The following CDO1 variants were observed in gnomAD, a reference collection of about 807,000 sequenced individuals.
CDO1 encodes the protein cysteine dioxygenase, type I.
In CDO1, 19 loss-of-function variants were observed where a neutral mutation model predicts 24.5. That is an observed-to-expected ratio of 0.77 (90% CI 0.54 to 1.14). CDO1 has a LOEUF of 1.14. Among genes scored for constraint, CDO1 ranks in the 50% most tolerant of loss-of-function variants. CDO1 has a pLI of 0.00. For missense variants in CDO1, 244 were observed against 244.8 expected (o/e 1.00, Z 0.02); for synonymous variants, 91 against 87.0 (o/e 1.05, Z -0.26).
Position 115,805,272 on chromosome 5 carries a change from A to ACTAC in CDO1, c.*160_*161insGTAG, listed in dbSNP as rs1759889388. 1.8e-6 allele frequency: 1 copy of ACTAC among 569,040 alleles called. No homozygotes were observed. Among genetic ancestry groups the ACTAC allele is most frequent in the South Asian group, 2.8e-5 (1 of 35,920 alleles). The allele number at this position is 569,040 out of a possible 1,614,324, so 35.2% of individuals were successfully genotyped here. A position where few individuals can be genotyped will look rare whatever the true frequency, so the allele number is the denominator to read the frequency against. ...TTCTTCTGCAGTAGCTGAGGGCACT[A>ACTAC]TTTGCTTACTTAATGCCTTATAATT... On this transcript the variant is annotated 3_prime_UTR_variant, in exon 5 of 5. Transcript: ENST00000250535.
chr5:115,815,259 G>T (rs969133756), intron 1 of CDO1, among the ~76,000 whole-genome samples: 1 of 152,114 alleles, frequency 6.6e-6, no homozygotes, highest in African/African-American at 2.4e-5. Context: ...TAACTGCTCA[G>T]AAAAAGTAGA....
intron 3 of CDO1, 79 bp downstream of exon 3, chr5:115,811,080 TAA>T: frequency 7.8e-7 from 1 of 1,288,726 alleles, no homozygotes; most frequent in Non-Finnish European, 1.1e-6. Flanking sequence ...TTCTACTGCA[TAA>T]AAAGTGTAAG....
chr5:115,811,489 G>C (rs376264684), intron 2 of CDO1, among the ~76,000 whole-genome samples, 174 bp from the exon 3 acceptor site: 2 of 152,230 alleles, frequency 1.3e-5, no homozygotes, highest in East Asian at 1.9e-4. Context: ...ACAATGTTCA[G>C]GGTAAAGTAA....
intron 2 of CDO1, among the ~76,000 whole-genome samples, chr5:115,812,784 A>G (rs1349383594): frequency 6.6e-6 from 1 of 152,166 alleles, no homozygotes; most frequent in Admixed American, 6.5e-5. Context: ...GTGGTGGCTC[A>G]TACCTGTAAT....
intron 2 of CDO1, among the ~76,000 whole-genome samples, chr5:115,812,214 T>G (rs1386437571): frequency 2.0e-5 from 3 of 152,198 alleles, no homozygotes; most frequent in Admixed American, 6.5e-5. Flanking sequence ...AGTAAATAAA[T>G]GCACTCTACA....
At position 115,816,220 on chromosome 5, in the gene CDO1, G is replaced by C; in HGVS notation, c.170+8C>G. ...CGCCGCCTGGCATTGAAGCTGCAGC[G>C]CGCTCACCTGTACTGGTCGAACTTG... On this transcript the variant is annotated splice_region_variant and intron_variant, in intron 1 of 4. Transcript: ENST00000250535. 1 of 1,611,436 alleles carries C rather than the reference G, an allele frequency of 6.2e-7. No individual in the cohort carries two copies. Among genetic ancestry groups the C allele is most frequent in the Non-Finnish European group, 8.5e-7 (1 of 1,178,452 alleles).
At chr5:115,815,291 T>G (rs1393289079) in intron 1 of CDO1, among the ~76,000 whole-genome samples, 1 of 152,116 alleles carries the variant, frequency 6.6e-6, no homozygotes, top group Non-Finnish European at 1.5e-5. Context: ...TTCGGGGTGA[T>G]TAAATTTTAC....
At chr5:115,807,932 A>G (rs892541735) in intron 3 of CDO1, among the ~76,000 whole-genome samples, 5 of 152,154 alleles carry the variant, frequency 3.3e-5, no homozygotes, top group African/African-American at 1.2e-4. Flanking sequence ...AGTTTCTAGA[A>G]AGAAAATAGA....
rs1759946052 is a variant in CDO1, at chr5:115,806,409, T to C, written c.513A>G (p.Thr171=). 1 of 1,611,772 alleles carries C rather than the reference T, an allele frequency of 6.2e-7. No individual in the cohort carries two copies. The highest frequency in any genetic ancestry group is 8.5e-7 in the Non-Finnish European group (1 of 1,179,270). ...FDTCHAFDQR[T]GHKNKVTMTF... ...TCATTGTGACTTTGTTTTTATGTCC[T>C]GTTCTTTGATCAAAGGCATGGCATG... Residue 171 remains threonine, a synonymous_variant, in exon 4 of 5, where the codon ACA becomes ACG. Coordinates refer to ENST00000250535, the MANE Select transcript of CDO1 (RefSeq NM_001801.3).
intron 3 of CDO1, among the ~76,000 whole-genome samples, chr5:115,809,393 C>T (rs901374248): frequency 4.6e-5 from 7 of 152,046 alleles, no homozygotes; most frequent in Non-Finnish European, 8.8e-5. Flanking sequence ...GGTCTCCTTG[C>T]CCCAGTCCTC....
chr5:115,813,449 CGCT>C (rs1760286553), intron 1 of CDO1, among the ~76,000 whole-genome samples, 191 bp from the exon 2 acceptor site: 1 of 151,984 alleles, frequency 6.6e-6, no homozygotes, highest in Non-Finnish European at 1.5e-5. Context: ...CATTTTGAAC[CGCT>C]GCATTTACAG....
intron 4 of CDO1, 93 bp downstream of exon 4, chr5:115,806,256 T>C: frequency 1.4e-6 from 1 of 728,108 alleles, no homozygotes; most frequent in Non-Finnish European, 2.2e-6. Context: ...TTGGGCCTTA[T>C]CCATGAATTA....
intron 3 of CDO1, 93 bp from the exon 4 acceptor site, chr5:115,806,611 T>C: frequency 1.1e-6 from 1 of 891,240 alleles, no homozygotes; most frequent in Non-Finnish European, 1.7e-6. Context: ...CATGAATCAA[T>C]TGTGATGCAA....
rs1759862931 is a variant in CDO1 at position 115,804,789 on chromosome 5, TTGACTA to T, written c.*638_*643del. On this transcript the variant is annotated 3_prime_UTR_variant, in exon 5 of 5. Coordinates refer to ENST00000250535, the MANE Select transcript of CDO1 (RefSeq NM_001801.3). The stretch of plus-strand genomic sequence containing the variant: ...TGGTAATTTTAGCAGTACAAAATCT[TTGACTA>T]TGACCATGGGACACAGACATGAGTT... 1.3e-5 allele frequency: 2 copies of T among 152,184 alleles called. No individual in the cohort carries two copies. Among genetic ancestry groups the T allele is most frequent in the African/African-American group, 4.8e-5 (2 of 41,432 alleles). 9.4% of individuals were successfully genotyped at this position (152,184 alleles called of 1,614,324 possible). A position where few individuals can be genotyped will look rare whatever the true frequency, so the allele number is the denominator to read the frequency against.
chr5:115,807,595 A>C (rs1760001313), intron 3 of CDO1, among the ~76,000 whole-genome samples: 1 of 152,106 alleles, frequency 6.6e-6, no homozygotes, highest in East Asian at 1.9e-4. Context: ...TTGAAGAAAC[A>C]GAAACCAGAA....
At chr5:115,815,019 T>C (rs191473048) in intron 1 of CDO1, among the ~76,000 whole-genome samples, 37 of 152,342 alleles carry the variant, frequency 2.4e-4, no homozygotes, top group Admixed American at 5.2e-4. Context: ...TCAAGTCACT[T>C]GTATATGAAA....
chr5:115,810,657 A>T (rs1760148098), intron 3 of CDO1, among the ~76,000 whole-genome samples: 1 of 152,244 alleles, frequency 6.6e-6, no homozygotes, highest in Non-Finnish European at 1.5e-5. Context: ...GCTATCCCAT[A>T]TCCCATTTAG....
chr5:115,810,527 CG>C (rs1352958711), intron 3 of CDO1, among the ~76,000 whole-genome samples: 1 of 152,102 alleles, frequency 6.6e-6, no homozygotes, highest in Admixed American at 6.6e-5. Flanking sequence ...CAACCTCCTA[CG>C]TAAAAGGGAA....
chr5:115,805,490 G>T (rs746851024), intron 4 of CDO1, 28 bp from the exon 5 acceptor site: 1 of 1,611,196 alleles, frequency 6.2e-7, no homozygotes, highest in Non-Finnish European at 8.5e-7. Context: ...AAAGAAAGCT[G>T]TGTAAGAAAC....
Sources: allele counts gnomAD v4.1 joint callset (sites outside exome capture counted in the v4.1 genomes callset), GRCh38; gene constraint gnomAD v4.1.1; transcripts MANE v1.5; gene names NCBI Gene and HGNC (gene_info 2026-07-23, HGNC 2026-07-21).